Variants in PTPRN2 observed in about 807,000 individuals in gnomAD.
PTPRN2 encodes protein tyrosine phosphatase receptor type N2.
PTPRN2 carries 74 observed loss-of-function variants against 118.8 expected under a neutral mutation model. The observed-to-expected ratio is 0.62, with a 90% CI of 0.52 to 0.76. The LOEUF is 0.76. PTPRN2 is among the 30% of genes least tolerant of loss of function. The pLI, the probability that PTPRN2 is intolerant of heterozygous loss-of-function variation, is 0.00. For missense variants in PTPRN2, 1,481 were observed against 1,394.4 expected (o/e 1.06, Z -0.99); for synonymous variants, 641 against 608.0 (o/e 1.05, Z -0.80).
chr7:157,765,700 C>A (rs946755311), intron 12 of PTPRN2, among the ~76,000 whole-genome samples: 3 of 150,694 alleles, frequency 2.0e-5, no homozygotes, highest in Non-Finnish European at 4.4e-5. Context: ...ACCCATCCAC[C>A]CATCCATCAT....
At chr7:157,731,105 G>A (rs955120614) in intron 12 of PTPRN2, among the ~76,000 whole-genome samples, 1 of 152,252 alleles carries the variant, frequency 6.6e-6, no homozygotes, top group Non-Finnish European at 1.5e-5. Flanking sequence ...TAGGACAGCA[G>A]GCTCCTTTAC....
chr7:157,706,512 T>C (rs565023403), intron 12 of PTPRN2, among the ~76,000 whole-genome samples: 8 of 148,964 alleles, frequency 5.4e-5, no homozygotes, highest in African/African-American at 2.0e-4. Flanking sequence ...ACCACATCCC[T>C]CTAGAATGCC....
chr7:158,166,957 G>T lies in PTPRN2; in HGVS notation c.884C>A (p.Ser295Tyr), dbSNP rs1295324403. ...PQKWPSPLGDSEDPSSTGDGA... is the reference protein window; with the variant it reads ...PQKWPSPLGDYEDPSSTGDGA... ...ATCGCCTGTGCTGGAGGGGTCTTCG[G>T]AATCTCCCAGAGGTGAAGGCCACTT... The change falls in exon 6 of 23, where the codon TCC becomes TAC. Residue 295 changes from serine (S) to tyrosine (Y), a missense_variant. This residue lies in a region of PTPRN2 where 1,115 missense variants were observed against 994.2 expected (regional missense o/e 1.12). Transcript: ENST00000389418. The T allele has an allele frequency of 2.8e-6, 4 of 1,445,426 alleles. No homozygotes were observed. The highest frequency in any genetic ancestry group is 1.4e-5 in the African/African-American group (1 of 69,768). The allele number at this position is 1,445,426 out of a possible 1,614,324, so 89.5% of individuals were successfully genotyped here.
At position 158,173,506 on chromosome 7, in the gene PTPRN2, A is replaced by G. The variant is rs1318421861; in HGVS notation, c.550-6215T>C. Among the ~76,000 whole-genome samples the G allele has an allele frequency of 5.3e-5, 8 of 152,172 alleles. 1 individual carries two copies. The highest frequency in any genetic ancestry group is 4.6e-4 in the Admixed American group (7 of 15,272). ...CTTCAGAGGGCAATAAAAGATCACA[A>G]GGCAGGGGGTGAAATTAGAATTACT... is the stretch of plus-strand genomic sequence containing the variant. On this transcript the variant is annotated intron_variant, in intron 5 of 22. Transcript: ENST00000389418.
At chr7:157,683,604 G>A (rs4716768) in intron 12 of PTPRN2, among the ~76,000 whole-genome samples, 140 of 152,220 alleles carry the variant, frequency 9.2e-4, no homozygotes, top group Admixed American at 1.4e-3. Context: ...TCCTTGAAAG[G>A]AGCTGCAGAG....
intron 9 of PTPRN2, among the ~76,000 whole-genome samples, chr7:158,129,931 A>G (rs1359790674): frequency 6.6e-6 from 1 of 152,206 alleles, no homozygotes; most frequent in Non-Finnish European, 1.5e-5. Flanking sequence ...GGAAACGGGA[A>G]AGCTCATCCT....
intron 12 of PTPRN2, among the ~76,000 whole-genome samples, chr7:157,827,536 G>T (rs977075431): frequency 6.6e-6 from 1 of 152,224 alleles, no homozygotes; most frequent in Non-Finnish European, 1.5e-5. Context: ...CCAGTGAGGC[G>T]TGACGTCCTC....
intron 4 of PTPRN2, among the ~76,000 whole-genome samples, chr7:158,203,659 T>G (rs530910901): frequency 3.0e-4 from 46 of 152,254 alleles, no homozygotes; most frequent in African/African-American, 1.1e-3. Context: ...AGCCCTCTAT[T>G]TTTTGCCCTT....
At chr7:158,313,057 G>A (rs1246825241) in intron 3 of PTPRN2, among the ~76,000 whole-genome samples, 2 of 151,948 alleles carry the variant, frequency 1.3e-5, no homozygotes, top group Non-Finnish European at 2.9e-5. Context: ...TGTGTGTGCA[G>A]GTTTGTCTGC....
In PTPRN2 at chr7:157,615,136, C is replaced by G. The variant is rs147420883; in HGVS notation, c.2344+6226G>C. On this transcript the variant is annotated intron_variant, in intron 15 of 22. Transcript: ENST00000389418. The surrounding 1 kb of genome is among the most constrained non-coding windows in gnomAD (Gnocchi z 4.3). ...GAAGTGCTCGCAGGTCACGCTAATA[C>G]GGCCAACACTGGGCGGCTGGCCAGC... Among the ~76,000 whole-genome samples, 5 of 152,250 alleles carry G rather than the reference C, an allele frequency of 3.3e-5. No homozygotes were observed. Among genetic ancestry groups the G allele is most frequent in the African/African-American group, 9.6e-5 (4 of 41,468 alleles).
chr7:158,272,378 G>A lies in PTPRN2; in HGVS notation c.277+44441C>T, dbSNP rs187348245. 2.6e-3 allele frequency among the ~76,000 whole-genome samples: 397 copies of A among 152,298 alleles called. 2 individuals are homozygous for A. The highest frequency in any genetic ancestry group is 8.6e-3 in the African/African-American group (358 of 41,554). Reference sequence around the variant, plus strand: ...TTGCAGCAGAGCTTTAAAGACTTGGGTCCCAACGTCACTGTCTATTGACTG... The same window carrying A: ...TTGCAGCAGAGCTTTAAAGACTTGGATCCCAACGTCACTGTCTATTGACTG... On this transcript the variant is annotated intron_variant, in intron 3 of 22. Coordinates refer to ENST00000389418, the MANE Select transcript of PTPRN2 (RefSeq NM_002847.5).
intron 17 of PTPRN2, among the ~76,000 whole-genome samples, chr7:157,582,828 C>T (rs1001984167): frequency 6.6e-6 from 1 of 151,394 alleles, no homozygotes; most frequent in Non-Finnish European, 1.5e-5. Context: ...GAGCCGAGAC[C>T]GTGTCATTGC....
chr7:158,489,271 C>A lies in PTPRN2; in HGVS notation c.163+464G>T, dbSNP rs908216716. ...GACCAGCCTGGCCAACATGGTGAAA[C>A]CCTGTCTCTACTAAAAATACAAAAA... On this transcript the variant is annotated intron_variant, in intron 2 of 22. Coordinates refer to ENST00000389418, the MANE Select transcript of PTPRN2 (RefSeq NM_002847.5). Among the ~76,000 whole-genome samples the A allele has an allele frequency of 7.2e-5, 11 of 152,100 alleles. 1 individual carries two copies. Among genetic ancestry groups the A allele is most frequent in the African/African-American group, 2.7e-4 (11 of 41,432 alleles).
chr7:157,627,323 A>G lies in PTPRN2; in HGVS notation c.2197-5814T>C, dbSNP rs1251234252. Among the ~76,000 whole-genome samples, 1 of 152,238 alleles carries G rather than the reference A, an allele frequency of 6.6e-6. No individual in the cohort carries two copies. Among genetic ancestry groups the G allele is most frequent in the African/African-American group, 2.4e-5 (1 of 41,472 alleles). ...ATGAAGAAAGCTCTAGAATGAGCTG[A>G]CTGAGGCTGACAATACCAGAGGGAG... is the stretch of plus-strand genomic sequence containing the variant. On this transcript the variant is annotated intron_variant, in intron 14 of 22. Transcript: ENST00000389418. The surrounding 1 kb of genome is among the most constrained non-coding windows in gnomAD (Gnocchi z 4.2).
chr7:158,270,806 T>TGGGCCGCCCCCTC lies in PTPRN2; in HGVS notation c.277+46012_277+46013insGAGGGGGCGGCCC, dbSNP rs1798321733. Among the ~76,000 whole-genome samples, 6 of 6,414 alleles carry TGGGCCGCCCCCTC rather than the reference T, an allele frequency of 9.4e-4. 1 individual carries two copies. The highest frequency in any genetic ancestry group is 5.2e-3 in the South Asian group (1 of 194). The allele number at this position is 6,414 out of a possible 152,430, so 4.2% of individuals were successfully genotyped here. A position where few individuals can be genotyped will look rare whatever the true frequency, so the allele number is the denominator to read the frequency against. On this transcript the variant is annotated intron_variant, in intron 3 of 22. Transcript: ENST00000389418. Reference sequence around the variant, plus strand: ...CCACCCCTCCACCTGGACCACCCCCTCACCTGGACCGCCCCCTCCACCTGG... The same window carrying TGGGCCGCCCCCTC: ...CCACCCCTCCACCTGGACCACCCCCTGGGCCGCCCCCTCCACCTGGACCGCCCCCTCCACCTGG...
intron 11 of PTPRN2, among the ~76,000 whole-genome samples, chr7:158,048,878 CCACCACCATCACCATCATCACCATAT>C (rs1285611917): frequency 1.3e-5 from 2 of 151,132 alleles, no homozygotes; most frequent in Admixed American, 6.6e-5. Context: ...CATCACATTA[CCACCACCATCACCATCATCACCATAT>C]CACCACCATC....
rs576368412 is a variant in PTPRN2 at position 158,330,826 on chromosome 7, G to A, written c.164-13894C>T. On this transcript the variant is annotated intron_variant, in intron 2 of 22. Transcript: ENST00000389418. ...ACCATAAGAGCTGACACCCGCAGAC[G>A]TCACTCACATCCACATTCTCACCAT... Among the ~76,000 whole-genome samples the A allele has an allele frequency of 5.4e-4, 54 of 100,340 alleles. 7 individuals are homozygous for A. The highest frequency in any genetic ancestry group is 4.4e-4 in the South Asian group (1 of 2,282). 65.8% of individuals were successfully genotyped at this position (100,340 alleles called of 152,430 possible).
intron 2 of PTPRN2, among the ~76,000 whole-genome samples, chr7:158,424,042 C>T (rs1038739399): frequency 3.3e-5 from 5 of 152,276 alleles, no homozygotes; most frequent in Non-Finnish European, 2.9e-5. Context: ...CCAAGGTCTC[C>T]GAGCAGAGAG....
chr7:157,927,245 C>T (rs1799058975), intron 11 of PTPRN2, among the ~76,000 whole-genome samples: 1 of 74,142 alleles, frequency 1.3e-5, no homozygotes, highest in African/African-American at 6.9e-5. Flanking sequence ...GCAGAGGCCT[C>T]GCGTCTTCTG....
Sources: gnomAD v4.1 joint callset for allele counts (sites outside exome capture counted in the v4.1 genomes callset) on GRCh38, gnomAD v4.1.1 for gene constraint, gnomAD v4.1.1 regional missense constraint, Gnocchi (gnomAD v3.1) non-coding constraint, MANE v1.5 for transcripts, NCBI Gene and HGNC (gene_info 2026-07-23, HGNC 2026-07-21) for gene names.